Variants in CSMD3 observed in about 807,000 individuals in gnomAD.
The protein encoded by CSMD3 is CUB and Sushi multiple domains 3.
A neutral mutation model predicts 435.2 loss-of-function variants in CSMD3; 177 were observed. The ratio of observed to expected loss-of-function variants is 0.41; its 90% CI spans 0.36 to 0.46. The LOEUF is 0.46. CSMD3 is among the 20% of genes least tolerant of loss of function. The probability of loss-of-function intolerance (pLI) is 0.34; values close to 1 mark genes in which losing one functional copy is unlikely to be tolerated. For missense variants in CSMD3, 4,265 were observed against 4,504.6 expected (o/e 0.95, Z 1.52); for synonymous variants, 1,656 against 1,520.5 (o/e 1.09, Z -2.07).
At chr8:113,384,460 A>G (rs902437767) in intron 1 of CSMD3, among the ~76,000 whole-genome samples, 8 of 152,184 alleles carry the variant, frequency 5.3e-5, no homozygotes, top group Non-Finnish European at 8.8e-5. Context: ...AGAAGCTGCT[A>G]AAGGATAAAT....
intron 2 of CSMD3, chr8:113,309,115 A>ATT (rs1385185189): frequency 6.6e-6 from 1 of 151,654 alleles, no homozygotes. Flanking sequence ...CACCCAGCTA[A>ATT]TTTTTCTGTA....
intron 38 of CSMD3, among the ~76,000 whole-genome samples, chr8:112,370,089 A>AGAAGAAGAAGAAGAAGAAGAG (rs1828239359): frequency 8.1e-6 from 1 of 123,786 alleles, no homozygotes; most frequent in Non-Finnish European, 1.9e-5. Flanking sequence ...AAGAAGTAGT[A>AGAAGAAGAAGAAGAAGAAGAG]GTAGTAGTAG....
intron 59 of CSMD3, among the ~76,000 whole-genome samples, chr8:112,275,815 G>C (rs1189885889): frequency 6.6e-6 from 1 of 152,118 alleles, no homozygotes; most frequent in Non-Finnish European, 1.5e-5. Flanking sequence ...GAAATTATGG[G>C]AGTTACAATT....
At chr8:112,257,809 G>A (rs1815952339) in intron 61 of CSMD3, among the ~76,000 whole-genome samples, 2 of 152,144 alleles carry the variant, frequency 1.3e-5, no homozygotes, top group Admixed American at 6.5e-5. Flanking sequence ...TTAGAAAAGA[G>A]CCTGCATAGC....
At chr8:113,434,041 T>C (rs957179559) in intron 1 of CSMD3, among the ~76,000 whole-genome samples, 3 of 152,204 alleles carry the variant, frequency 2.0e-5, no homozygotes, top group African/African-American at 7.2e-5. Flanking sequence ...TGTTTTCCTT[T>C]TCAGCCCCAC....
chr8:113,428,095 T>C (rs1034991083), intron 1 of CSMD3, among the ~76,000 whole-genome samples: 1 of 151,698 alleles, frequency 6.6e-6, no homozygotes, highest in Non-Finnish European at 1.5e-5. Context: ...GTAGAAAGTA[T>C]CTTTTATATC....
intron 11 of CSMD3, among the ~76,000 whole-genome samples, chr8:112,852,059 G>T (rs896392005): frequency 2.0e-5 from 3 of 152,026 alleles, no homozygotes; most frequent in Non-Finnish European, 4.4e-5. Flanking sequence ...TATTTTGGTG[G>T]GTTTCAAAGC....
intron 3 of CSMD3, among the ~76,000 whole-genome samples, chr8:113,258,101 G>T (rs1006685688): frequency 2.6e-5 from 4 of 152,120 alleles, no homozygotes; most frequent in African/African-American, 9.7e-5. Flanking sequence ...AAAATGATAT[G>T]AATTCCTCAT....
intron 6 of CSMD3, among the ~76,000 whole-genome samples, chr8:112,985,770 T>C (rs117663598): frequency 0.026 from 3,992 of 152,248 alleles, 252 homozygotes; most frequent in East Asian, 0.2. Context: ...AAACTCCTTA[T>C]GAGAATCTAA....
At chr8:112,751,970 A>G (rs1457817222) in intron 13 of CSMD3, among the ~76,000 whole-genome samples, 1 of 151,920 alleles carries the variant, frequency 6.6e-6, no homozygotes, top group Non-Finnish European at 1.5e-5. Context: ...CATTCCAACT[A>G]TTCTCTCTCC....
intron 13 of CSMD3, among the ~76,000 whole-genome samples, chr8:112,728,017 CT>C (rs2077000682): frequency 6.6e-6 from 1 of 151,782 alleles, no homozygotes; most frequent in African/African-American, 2.4e-5. Flanking sequence ...TGCTAATTTC[CT>C]TTTCCAACAG....
chr8:113,291,478 T>C (rs1277019869), intron 2 of CSMD3, among the ~76,000 whole-genome samples: 1 of 151,842 alleles, frequency 6.6e-6, no homozygotes, highest in African/African-American at 2.4e-5. Context: ...AAAGTTTCTA[T>C]GTAAGAAGGA....
At position 112,234,318 on chromosome 8, in the gene CSMD3, A is replaced by G. The variant is rs1188058874; in HGVS notation, c.10740+47T>C. ...ACTCTCCTTTCCTGGACAAGCTACAAATTTATCATTAAAATCAGCAGCAGA... is the reference window on the plus strand; with the variant it reads ...ACTCTCCTTTCCTGGACAAGCTACAGATTTATCATTAAAATCAGCAGCAGA... On this transcript the variant is annotated intron_variant, in intron 68 of 70. Coordinates refer to ENST00000297405, the MANE Select transcript of CSMD3 (RefSeq NM_198123.2). 2.4e-6 allele frequency: 3 copies of G among 1,271,874 alleles called. No homozygotes were observed. In the African/African-American group the frequency reaches 4.4e-5, roughly 19 times the overall value. 78.8% of individuals were successfully genotyped at this position (1,271,874 alleles called of 1,614,324 possible).
intron 4 of CSMD3, among the ~76,000 whole-genome samples, chr8:113,163,580 CTG>C (rs1449525842): frequency 6.6e-6 from 1 of 151,810 alleles, no homozygotes; most frequent in Non-Finnish European, 1.5e-5. Context: ...AAATATTAAA[CTG>C]TAGAAAAAAT....
chr8:113,161,901 A>T (rs1415715070), intron 4 of CSMD3, among the ~76,000 whole-genome samples: 1 of 152,148 alleles, frequency 6.6e-6, no homozygotes, highest in African/African-American at 2.4e-5. Flanking sequence ...TACTTTACCA[A>T]AATTATTAAC....
intron 4 of CSMD3, among the ~76,000 whole-genome samples, chr8:113,112,960 G>T (rs949213731): frequency 1.3e-5 from 2 of 152,102 alleles, no homozygotes; most frequent in Non-Finnish European, 2.9e-5. Context: ...CCATAACATG[G>T]GGGCCTTCCC....
intron 53 of CSMD3, 120 bp downstream of exon 53, chr8:112,301,673 T>C (rs1820934816): frequency 2.6e-6 from 2 of 761,840 alleles, no homozygotes; most frequent in Non-Finnish European, 4.5e-6. Flanking sequence ...TATTTTCTGG[T>C]TTTTAACATA....
chr8:112,903,422 G>C (rs974057679), intron 10 of CSMD3, among the ~76,000 whole-genome samples: 2 of 151,230 alleles, frequency 1.3e-5, no homozygotes, highest in African/African-American at 4.8e-5. Context: ...AAGAGTATAA[G>C]ATGACTGGAG....
chr8:112,242,539 A>C (rs1276794584), intron 65 of CSMD3, among the ~76,000 whole-genome samples: 1 of 152,082 alleles, frequency 6.6e-6, no homozygotes, highest in Non-Finnish European at 1.5e-5. Context: ...GTATGATAGC[A>C]GTGACAATAA....
Sources: allele counts gnomAD v4.1 joint callset (sites outside exome capture counted in the v4.1 genomes callset), GRCh38; gene constraint gnomAD v4.1.1; transcripts MANE v1.5; gene names NCBI Gene and HGNC (gene_info 2026-07-23, HGNC 2026-07-21).